Variants in FILIP1 observed in about 807,000 individuals in gnomAD.
FILIP1 encodes the protein filamin-A-interacting protein 1.
In FILIP1, 61 loss-of-function variants were observed where a neutral mutation model predicts 102.1. The ratio of observed to expected loss-of-function variants is 0.60; its 90% CI spans 0.49 to 0.74. The LOEUF is 0.74. Ranked by LOEUF, FILIP1 falls within the 30% of genes least tolerant of loss-of-function variation. FILIP1 has a pLI of 0.00. For missense variants in FILIP1, 1,314 were observed against 1,441.2 expected, an observed-to-expected ratio of 0.91 and a Z score of 1.43; for synonymous variants, 491 against 526.9, an observed-to-expected ratio of 0.93 and a Z score of 0.93.
At chr6:75,485,489 C>T (rs1158714802) in intron 1 of FILIP1, among the ~76,000 whole-genome samples, 1 of 152,148 alleles carries the variant, frequency 6.6e-6, no homozygotes. Flanking sequence ...AAAACATTCA[C>T]CTTCCTGGGA....
chr6:75,345,712 C>T (rs1051572634), intron 4 of FILIP1, among the ~76,000 whole-genome samples: 2 of 152,064 alleles, frequency 1.3e-5, no homozygotes, highest in South Asian at 2.1e-4. Flanking sequence ...TGTGGTCAGC[C>T]GTCTTTTCCT....
At chr6:75,468,279 G>A (rs780913927) in intron 1 of FILIP1, among the ~76,000 whole-genome samples, 31 of 152,160 alleles carry the variant, frequency 2.0e-4, no homozygotes, top group Non-Finnish European at 1.0e-4. Flanking sequence ...GTCACTTAGC[G>A]TTGGAGTAAG....
At chr6:75,343,463 A>G (rs1774480249) in intron 4 of FILIP1, among the ~76,000 whole-genome samples, 1 of 152,006 alleles carries the variant, frequency 6.6e-6, no homozygotes, top group Non-Finnish European at 1.5e-5. Context: ...CTCTGAACAG[A>G]GCCTCTTATT....
chr6:75,389,837 C>T (rs989851946), intron 2 of FILIP1, among the ~76,000 whole-genome samples: 6 of 151,980 alleles, frequency 3.9e-5, no homozygotes, highest in Non-Finnish European at 7.4e-5. Context: ...TCACCTATCC[C>T]CATCTCCTGA....
At chr6:75,402,499 G>C (rs1401422209) in intron 2 of FILIP1, among the ~76,000 whole-genome samples, 3 of 152,132 alleles carry the variant, frequency 2.0e-5, no homozygotes, top group South Asian at 2.1e-4. Flanking sequence ...GTGCAGGTGA[G>C]TCATCAATTT....
chr6:75,333,068 A>C (rs1407284867), intron 4 of FILIP1, among the ~76,000 whole-genome samples: 1 of 152,232 alleles, frequency 6.6e-6, no homozygotes, highest in East Asian at 1.9e-4. Flanking sequence ...TGTTTAAAAT[A>C]ACTTAGACAT....
At chr6:75,327,574 A>T (rs899159233) in intron 4 of FILIP1, among the ~76,000 whole-genome samples, 2 of 83,746 alleles carry the variant, frequency 2.4e-5, no homozygotes, top group African/African-American at 1.0e-4. Flanking sequence ...GTATATATGC[A>T]TATATATAAA....
chr6:75,480,301 G>GTATTAAAAATGTACACCATTTATATA (rs1554217894), intron 1 of FILIP1, among the ~76,000 whole-genome samples: 1 of 151,314 alleles, frequency 6.6e-6, no homozygotes, highest in Non-Finnish European at 1.5e-5. Context: ...CATTTTTATA[G>GTATTAAAAATGTACACCATTTATATA]GTATATACTT....
chr6:75,408,293 G>C (rs1219560781), intron 2 of FILIP1, among the ~76,000 whole-genome samples: 2 of 152,152 alleles, frequency 1.3e-5, no homozygotes, highest in Non-Finnish European at 2.9e-5. Flanking sequence ...GGCTTGAAAA[G>C]TCTGAAAAAT....
intron 1 of FILIP1, among the ~76,000 whole-genome samples, chr6:75,433,829 A>G (rs943582146): frequency 3.9e-5 from 6 of 152,182 alleles, no homozygotes; most frequent in African/African-American, 1.4e-4. Context: ...TAGGTCTAAC[A>G]TTTAAGTCTT....
intron 2 of FILIP1, 171 bp from the exon 3 acceptor site, chr6:75,363,088 G>A (rs1775223015): frequency 7.3e-6 from 4 of 546,946 alleles, no homozygotes; most frequent in Non-Finnish European, 1.3e-5. Context: ...AGATTGGCAA[G>A]CAGATACTCT....
intron 2 of FILIP1, among the ~76,000 whole-genome samples, chr6:75,383,599 T>C (rs770784468): frequency 3.3e-5 from 5 of 152,208 alleles, no homozygotes; most frequent in Non-Finnish European, 5.9e-5. Flanking sequence ...TAATTTGAAG[T>C]GGATCATTTC....
At chr6:75,450,522 G>T (rs1778592509) in intron 1 of FILIP1, among the ~76,000 whole-genome samples, 1 of 151,850 alleles carries the variant, frequency 6.6e-6, no homozygotes, top group Non-Finnish European at 1.5e-5. Flanking sequence ...GGTGGCATGT[G>T]CCTGTAGTCC....
chr6:75,435,438 A>G (rs1352982239), intron 1 of FILIP1, among the ~76,000 whole-genome samples: 1 of 152,234 alleles, frequency 6.6e-6, no homozygotes, highest in African/African-American at 2.4e-5. Context: ...GGACTTAACT[A>G]ACAATTAAAT....
chr6:75,447,047 A>G (rs980935909), intron 1 of FILIP1, among the ~76,000 whole-genome samples: 3 of 152,194 alleles, frequency 2.0e-5, no homozygotes, highest in African/African-American at 7.2e-5. Context: ...GCCTCCAAAA[A>G]AGTAGCATAT....
chr6:75,359,534 A>G (rs1016058371), intron 3 of FILIP1, among the ~76,000 whole-genome samples: 8 of 152,232 alleles, frequency 5.3e-5, no homozygotes, highest in Non-Finnish European at 1.2e-4. Context: ...CAGACTCAGA[A>G]TTCCTTGATT....
chr6:75,441,960 G>C (rs1456487367), intron 1 of FILIP1, among the ~76,000 whole-genome samples: 2 of 151,830 alleles, frequency 1.3e-5, no homozygotes, highest in Non-Finnish European at 2.9e-5. Flanking sequence ...TCCCGGACGG[G>C]GTGGCTGCGG....
At chr6:75,463,602 G>A (rs1376599504) in intron 1 of FILIP1, among the ~76,000 whole-genome samples, 3 of 151,946 alleles carry the variant, frequency 2.0e-5, no homozygotes, top group South Asian at 2.1e-4. Context: ...CATAAAATAA[G>A]GGTTCTTTGC....
At chr6:75,396,756 G>A (rs1014597686) in intron 2 of FILIP1, among the ~76,000 whole-genome samples, 26 of 152,046 alleles carry the variant, frequency 1.7e-4, no homozygotes, top group African/African-American at 6.3e-4. Context: ...TCTGGAGTGA[G>A]AAAGTGCAGT....
Sources: allele counts gnomAD v4.1 joint callset (sites outside exome capture counted in the v4.1 genomes callset), GRCh38; gene constraint gnomAD v4.1.1; transcripts MANE v1.5; gene names NCBI Gene and HGNC (gene_info 2026-07-23, HGNC 2026-07-21).